The following PRKD3 variants were observed in gnomAD, a reference collection of about 807,000 sequenced individuals.
The protein encoded by PRKD3 is protein kinase D3.
A neutral mutation model predicts 99.2 loss-of-function variants in PRKD3; 47 were observed. The ratio of observed to expected loss-of-function variants is 0.47; its 90% CI spans 0.38 to 0.60. The LOEUF is 0.60. Ranked by LOEUF, PRKD3 falls within the 20% of genes least tolerant of loss-of-function variation. PRKD3 has a pLI of 0.00. For missense variants in PRKD3, 1,019 were observed against 1,088.4 expected (o/e 0.94, Z 0.90); for synonymous variants, 392 against 355.4 (o/e 1.10, Z -1.16).
chr2:37,282,640 A>G, intron 6 of PRKD3, 21 bp from the exon 7 acceptor site: 1 of 1,510,594 alleles, frequency 6.6e-7, no homozygotes, highest in Non-Finnish European at 9.2e-7. Context: ...AATATTCAGC[A>G]TATTAATTTA....
intron 2 of PRKD3, among the ~76,000 whole-genome samples, chr2:37,311,916 T>C (rs557621255): frequency 1.3e-5 from 2 of 152,306 alleles, no homozygotes; most frequent in African/African-American, 4.8e-5. Flanking sequence ...TACTCTCCAG[T>C]GCAGTCTGGG....
chr2:37,295,609 G>C (rs1670642349), intron 2 of PRKD3, among the ~76,000 whole-genome samples: 1 of 152,172 alleles, frequency 6.6e-6, no homozygotes, highest in Non-Finnish European at 1.5e-5. Flanking sequence ...TAGAAAAGTT[G>C]CTTAACTTCT....
Position 37,253,363 on chromosome 2 carries a change from G to T in PRKD3, c.2500-13C>A. ...AAGTCTGATAGTCCTAGGAGAAAAT[G>T]AAATTGTAATGATGAAACAAAAGAA... On this transcript the variant is annotated splice_polypyrimidine_tract_variant and intron_variant, in intron 18 of 18. Transcript: ENST00000234179. The T allele has an allele frequency of 6.3e-7, 1 of 1,588,330 alleles. No homozygotes were observed. The highest frequency in any genetic ancestry group is 8.6e-7 in the Non-Finnish European group (1 of 1,164,932).
In PRKD3 at chr2:37,324,758, C is replaced by G. The variant is rs995403742; in HGVS notation, c.-733G>C. The G allele has an allele frequency of 2.0e-5, 3 of 151,188 alleles. No individual in the cohort carries two copies. The highest frequency in any genetic ancestry group is 4.4e-5 in the Non-Finnish European group (3 of 67,604). 9.4% of individuals were successfully genotyped at this position (151,188 alleles called of 1,614,324 possible). A position where few individuals can be genotyped will look rare whatever the true frequency, so the allele number is the denominator to read the frequency against. ...CGGACGAGGCGCCAGCGAGGCTTCACGCGCCTCGCAGGATCCCGCCCGCCT... is the reference window on the plus strand; with the variant it reads ...CGGACGAGGCGCCAGCGAGGCTTCAGGCGCCTCGCAGGATCCCGCCCGCCT... On this transcript the variant is annotated 5_prime_UTR_variant, in exon 1 of 19. Coordinates refer to ENST00000234179, the MANE Select transcript of PRKD3 (RefSeq NM_005813.6).
intron 1 of PRKD3, among the ~76,000 whole-genome samples, chr2:37,318,165 G>A (rs1188479097): frequency 2.0e-5 from 3 of 151,972 alleles, no homozygotes; most frequent in Non-Finnish European, 2.9e-5. Context: ...TAGGAAGAAC[G>A]TGACAGAAGG....
chr2:37,279,478 CCA>C, intron 8 of PRKD3: 1 of 228,956 alleles, frequency 4.4e-6, no homozygotes, highest in Non-Finnish European at 8.4e-6. Context: ...TACATCTAGA[CCA>C]CACTTAAAGC....
rs1157049545 is a variant in PRKD3, at chr2:37,257,666, CAAAAGA to C, written c.2146-743_2146-738del. Among the ~76,000 whole-genome samples the C allele has an allele frequency of 6.4e-3, 402 of 62,366 alleles. 2 individuals carry two copies. The highest frequency in any genetic ancestry group is 0.013 in the African/African-American group (341 of 25,894). The allele number at this position is 62,366 out of a possible 152,430, so 40.9% of individuals were successfully genotyped here. A position where few individuals can be genotyped will look rare whatever the true frequency, so the allele number is the denominator to read the frequency against. On this transcript the variant is annotated intron_variant, in intron 16 of 18. Coordinates refer to ENST00000234179, the MANE Select transcript of PRKD3 (RefSeq NM_005813.6). ...GGGCGACAGAGTGAAGACTCTGTCT[CAAAAGA>C]AAAAAAAAAAAAAAAAAAAAAAGTT... is the stretch of plus-strand genomic sequence containing the variant.
intron 2 of PRKD3, among the ~76,000 whole-genome samples, chr2:37,310,448 T>C (rs558088281): frequency 6.6e-6 from 1 of 152,280 alleles, no homozygotes; most frequent in East Asian, 1.9e-4. Flanking sequence ...ATTACACAAC[T>C]AATAAGTGGT....
At chr2:37,275,615 A>C (rs867236216) in intron 10 of PRKD3, 152 bp downstream of exon 10, 3 of 747,566 alleles carry the variant, frequency 4.0e-6, no homozygotes, top group African/African-American at 3.7e-5. Context: ...TTGGTATGGG[A>C]AATAGTTGCT....
In PRKD3 at chr2:37,253,323, C is replaced by T; in HGVS notation, c.2527G>A (p.Glu843Lys). 6.2e-7 allele frequency: 1 copy of T among 1,612,668 alleles called. No homozygotes were observed. The highest frequency in any genetic ancestry group is 1.3e-5 in the African/African-American group (1 of 74,994). ...QDYQTWLDLR[E>K]FETRIGERYI... ...CGTTCTCCAATGCGAGTTTCAAATT[C>T]TCTAAGGTCAAGCCAAGTCTGATAG... Residue 843 changes from glutamate to lysine, a missense_variant, in exon 19 of 19, where the codon GAA becomes AAA. Physicochemically the swap from Glu to Lys is moderately conservative, Grantham distance 56. This residue lies in a region of PRKD3 where 125 missense variants were observed against 120.6 expected (regional missense o/e 1.04). Coordinates refer to ENST00000234179, the MANE Select transcript of PRKD3 (RefSeq NM_005813.6).
intron 2 of PRKD3, among the ~76,000 whole-genome samples, chr2:37,295,357 T>A (rs1364715947): frequency 6.6e-6 from 1 of 152,166 alleles, no homozygotes; most frequent in Non-Finnish European, 1.5e-5. Context: ...GGATTCAGTA[T>A]GATACTTGAG....
At chr2:37,314,294 G>A (rs1463392320) in intron 2 of PRKD3, among the ~76,000 whole-genome samples, 1 of 152,092 alleles carries the variant, frequency 6.6e-6, no homozygotes, top group Non-Finnish European at 1.5e-5. Flanking sequence ...GTAAAATTCA[G>A]TTTACTATAT....
At chr2:37,312,103 G>A (rs1405950039) in intron 2 of PRKD3, among the ~76,000 whole-genome samples, 1 of 151,878 alleles carries the variant, frequency 6.6e-6, no homozygotes, top group Non-Finnish European at 1.5e-5. Flanking sequence ...TTGAACTTTT[G>A]CCTATAATTT....
chr2:37,256,849 G>A lies in PRKD3; in HGVS notation c.2226C>T (p.Tyr742=). 7 of 1,614,068 alleles carry A rather than the reference G, an allele frequency of 4.3e-6. No homozygotes were observed. The highest frequency in any genetic ancestry group is 5.9e-6 in the Non-Finnish European group (7 of 1,179,964). The part of the protein sequence containing the change: ...FRRSVVGTPA[Y]LAPEVLRSKG... ...TGCTCCGGAGAACTTCAGGGGCTAA[G>A]TATGCTGGAGTTCCTACCACAGATC... The change falls in exon 17 of 19, where the codon TAC becomes TAT. Residue 742 remains tyrosine (Y), a synonymous_variant. Transcript: ENST00000234179.
intron 3 of PRKD3, among the ~76,000 whole-genome samples, chr2:37,291,878 CA>C (rs950676380): frequency 1.3e-5 from 2 of 152,172 alleles, no homozygotes; most frequent in African/African-American, 4.8e-5. Flanking sequence ...ACTTGCCAAA[CA>C]AAAAGTACTG....
At chr2:37,294,500 G>C (rs182147954) in intron 2 of PRKD3, among the ~76,000 whole-genome samples, 4 of 152,238 alleles carry the variant, frequency 2.6e-5, no homozygotes, top group Admixed American at 2.6e-4. Flanking sequence ...TAATGGGAAA[G>C]TACAGAAATA....
intron 2 of PRKD3, among the ~76,000 whole-genome samples, chr2:37,303,529 T>G (rs1013014090): frequency 1.3e-5 from 2 of 151,702 alleles, no homozygotes; most frequent in African/African-American, 2.4e-5. Flanking sequence ...GTGGGGCCCT[T>G]AGGTTGAAGG....
intron 6 of PRKD3, among the ~76,000 whole-genome samples, chr2:37,285,401 G>T (rs186160746): frequency 6.6e-6 from 1 of 152,118 alleles, no homozygotes; most frequent in African/African-American, 2.4e-5. Context: ...AGTGTGCTGG[G>T]TTAGTATCCA....
chr2:37,257,451 G>A (rs896978261), intron 16 of PRKD3, among the ~76,000 whole-genome samples: 1 of 152,026 alleles, frequency 6.6e-6, no homozygotes, highest in African/African-American at 2.4e-5. Flanking sequence ...GGATCACGAG[G>A]TCAGGAGATT....
Sources: allele counts gnomAD v4.1 joint callset (sites outside exome capture counted in the v4.1 genomes callset), GRCh38; gene constraint gnomAD v4.1.1; regional missense constraint gnomAD v4.1.1; transcripts MANE v1.5; gene names NCBI Gene and HGNC (gene_info 2026-07-23, HGNC 2026-07-21).